SAMD12: variants seen among roughly 807,000 people sequenced by gnomAD.
SAMD12 encodes the protein sterile alpha motif domain containing 12, also known as sterile alpha motif domain-containing protein 12.
In SAMD12, 9 loss-of-function variants were observed where a neutral mutation model predicts 15.0. The observed-to-expected ratio is 0.60, with a 90% CI of 0.36 to 1.05. SAMD12 has a LOEUF of 1.05. Among genes scored for constraint, SAMD12 ranks in the 50% least tolerant of loss-of-function variants. The pLI, the probability that SAMD12 is intolerant of heterozygous loss-of-function variation, is 0.01. For missense variants in SAMD12, 230 were observed against 234.2 expected (o/e 0.98, Z 0.12); for synonymous variants, 86 against 90.1 (o/e 0.96, Z 0.25).
At chr8:118,297,302 C>T (rs28365508) in intron 4 of SAMD12, among the ~76,000 whole-genome samples, 17,417 of 152,028 alleles carry the variant, frequency 0.11, 3,097 homozygotes, top group African/African-American at 0.38. Flanking sequence ...TATGCAGTTG[C>T]TCTGCATTTT....
At chr8:118,207,185 C>T (rs1416639733) in intron 4 of SAMD12, among the ~76,000 whole-genome samples, 2 of 152,204 alleles carry the variant, frequency 1.3e-5, no homozygotes, top group Non-Finnish European at 2.9e-5. Context: ...GAATGTTTCC[C>T]TAGAAAGATG....
chr8:118,569,971 A>G (rs1441930081), intron 2 of SAMD12, among the ~76,000 whole-genome samples: 1 of 152,174 alleles, frequency 6.6e-6, no homozygotes, highest in Non-Finnish European at 1.5e-5. Context: ...TGGTGATCCA[A>G]TTTTTCAGTT....
At chr8:118,573,413 A>G (rs773660361) in intron 2 of SAMD12, among the ~76,000 whole-genome samples, 1 of 152,142 alleles carries the variant, frequency 6.6e-6, no homozygotes, top group Non-Finnish European at 1.5e-5. Context: ...TAAACTACCC[A>G]GTCTTGGGTA....
chr8:118,606,606 AC>A (rs60616892), intron 1 of SAMD12, among the ~76,000 whole-genome samples: 9,855 of 152,058 alleles, frequency 0.065, 697 homozygotes, highest in African/African-American at 0.17. Flanking sequence ...AGAAAAAAAA[AC>A]ATCCCTGGCC....
the SAMD12 span, among the ~76,000 whole-genome samples, chr8:118,147,756 T>A: frequency 1.3e-5 from 2 of 152,002 alleles, no homozygotes; most frequent in Non-Finnish European, 2.9e-5. Flanking sequence ...TGTTTTAATT[T>A]CAATTTTATT....
At chr8:118,452,556 C>T (rs1216838649) in intron 2 of SAMD12, among the ~76,000 whole-genome samples, 2 of 152,170 alleles carry the variant, frequency 1.3e-5, no homozygotes, top group Non-Finnish European at 2.9e-5. Context: ...CATGTCCATG[C>T]ATGTATCTTT....
intron 2 of SAMD12, among the ~76,000 whole-genome samples, chr8:118,496,441 G>A (rs58114088): frequency 0.069 from 10,537 of 152,080 alleles, 565 homozygotes; most frequent in East Asian, 0.28. Context: ...TCTAATCTTC[G>A]ACAAAGTCAA....
At chr8:118,142,998 G>A in the SAMD12 span, among the ~76,000 whole-genome samples, 1 of 152,208 alleles carries the variant, frequency 6.6e-6, no homozygotes, top group African/African-American at 2.4e-5. Context: ...CATCAAGGAA[G>A]TATGATGGTA....
chr8:118,197,852 T>G, intron 4 of SAMD12: 16 of 866,048 alleles, frequency 1.8e-5, no homozygotes, highest in Non-Finnish European at 2.8e-5. Context: ...GAGAAAGCTC[T>G]AGTCAGAATA....
intron 3 of SAMD12, among the ~76,000 whole-genome samples, chr8:118,397,443 T>C (rs982387508): frequency 6.6e-6 from 1 of 152,134 alleles, no homozygotes; most frequent in South Asian, 2.1e-4. Flanking sequence ...GTGGAGTCAC[T>C]AGAACACACC....
intron 4 of SAMD12, among the ~76,000 whole-genome samples, chr8:118,269,228 G>C (rs199751024): frequency 0.061 from 5,805 of 94,722 alleles, 149 homozygotes; most frequent in East Asian, 0.15. Context: ...CTCTGTGTGT[G>C]TGTGTGTGTG....
At chr8:118,308,464 G>A (rs1815455612) in intron 4 of SAMD12, among the ~76,000 whole-genome samples, 1 of 152,062 alleles carries the variant, frequency 6.6e-6, no homozygotes, top group Admixed American at 6.6e-5. Flanking sequence ...CATTTTGCAG[G>A]GAGGAAAATG....
At chr8:118,372,069 TAAA>T (rs1456403308) in intron 4 of SAMD12, among the ~76,000 whole-genome samples, 1 of 152,034 alleles carries the variant, frequency 6.6e-6, no homozygotes, top group African/African-American at 2.4e-5. Context: ...CTCAACTAAA[TAAA>T]AGGCATGAAA....
At chr8:118,528,548 T>G (rs1389273646) in intron 2 of SAMD12, among the ~76,000 whole-genome samples, 1 of 152,266 alleles carries the variant, frequency 6.6e-6, no homozygotes, top group Non-Finnish European at 1.5e-5. Flanking sequence ...GAATGAATTG[T>G]GTTGATACAT....
At chr8:118,215,510 T>A (rs1041087054) in intron 4 of SAMD12, among the ~76,000 whole-genome samples, 3 of 152,058 alleles carry the variant, frequency 2.0e-5, no homozygotes, top group East Asian at 1.9e-4. Flanking sequence ...CATGTGCACA[T>A]TGTGCAGGTT....
intron 4 of SAMD12, among the ~76,000 whole-genome samples, chr8:118,268,950 A>G (rs1348003657): frequency 6.6e-6 from 1 of 152,180 alleles, no homozygotes; most frequent in East Asian, 1.9e-4. Flanking sequence ...CTTTAGGATA[A>G]ATATTCAGCC....
the SAMD12 span, among the ~76,000 whole-genome samples, chr8:118,133,707 C>A: frequency 6.8e-6 from 1 of 147,246 alleles, no homozygotes; most frequent in African/African-American, 2.5e-5. Flanking sequence ...AACAGCAAGA[C>A]TTTTTTTTTT....
intron 4 of SAMD12, among the ~76,000 whole-genome samples, chr8:118,250,057 T>A (rs368071578): frequency 6.6e-6 from 1 of 152,070 alleles, no homozygotes; most frequent in East Asian, 1.9e-4. Flanking sequence ...TTAGACTAAG[T>A]TTCTGGCCTT....
chr8:118,408,137 G>A (rs1388472935), intron 3 of SAMD12, among the ~76,000 whole-genome samples: 1 of 151,996 alleles, frequency 6.6e-6, no homozygotes, highest in African/African-American at 2.4e-5. Flanking sequence ...TTTCACTCCA[G>A]TCCTACACTT....
Sources: allele counts gnomAD v4.1 joint callset (sites outside exome capture counted in the v4.1 genomes callset), GRCh38; gene constraint gnomAD v4.1.1; transcripts MANE v1.5; gene names NCBI Gene and HGNC (gene_info 2026-07-23, HGNC 2026-07-21).